The following SNX31 variants were observed in gnomAD, a reference collection of about 807,000 sequenced individuals.
The protein encoded by SNX31 is sorting nexin 31.
SNX31 carries 58 observed loss-of-function variants against 65.4 expected under a neutral mutation model. The observed-to-expected ratio is 0.89, with a 90% confidence interval of 0.72 to 1.10. SNX31 has a LOEUF of 1.10. Among genes scored for constraint, SNX31 ranks in the 50% least tolerant of loss-of-function variants. The pLI, the probability that SNX31 is intolerant of heterozygous loss-of-function variation, is 0.00. For synonymous variants in SNX31, 181 were observed against 190.1 expected (o/e 0.95, Z 0.39); for missense variants, 523 against 529.7 (o/e 0.99, Z 0.12).
At position 100,630,526 on chromosome 8, in the gene SNX31, C is replaced by A; in HGVS notation, c.257-135G>T. 1 of 704,286 alleles carries A rather than the reference C, an allele frequency of 1.4e-6. No homozygotes were observed. Among genetic ancestry groups the A allele is most frequent in the Non-Finnish European group, 2.3e-6 (1 of 437,238 alleles). The allele number at this position is 704,286 out of a possible 1,614,324, so 43.6% of individuals were successfully genotyped here. On this transcript the variant is annotated intron_variant, in intron 3 of 13. Transcript: ENST00000311812. This position sits in a 1 kb window ranked among gnomAD's most constrained non-coding sequence, Gnocchi z 5.3. Reference sequence around the variant, plus strand: ...TCCCTGAAGTGATAAATGTTGAAACCTCTCAAATACAGGAAAACCCCCAAA... The same window carrying A: ...TCCCTGAAGTGATAAATGTTGAAACATCTCAAATACAGGAAAACCCCCAAA...
Position 100,630,742 on chromosome 8 carries a change from G to A in SNX31, c.257-351C>T, listed in dbSNP as rs1486937653. On this transcript the variant is annotated intron_variant, in intron 3 of 13. Transcript: ENST00000311812. The surrounding 1 kb of genome is among the most constrained non-coding windows in gnomAD (Gnocchi z 5.3). Reference sequence around the variant, plus strand: ...CTTAAAACCTGCATCTAGACTCCCAGCCTAGCAAGACACAGGGTAATTTGA... The same window carrying A: ...CTTAAAACCTGCATCTAGACTCCCAACCTAGCAAGACACAGGGTAATTTGA... Among the ~76,000 whole-genome samples, 1 of 152,178 alleles carries A rather than the reference G, an allele frequency of 6.6e-6. No homozygotes were observed. The highest frequency in any genetic ancestry group is 2.4e-5 in the African/African-American group (1 of 41,424).
intron 4 of SNX31, among the ~76,000 whole-genome samples, chr8:100,621,581 C>A (rs1817698476): frequency 6.6e-6 from 1 of 152,248 alleles, no homozygotes; most frequent in African/African-American, 2.4e-5. Context: ...CAGCTAACAT[C>A]CCCTCTGCCC....
chr8:100,580,847 TA>T (rs1200627406), intron 12 of SNX31, among the ~76,000 whole-genome samples: 5 of 152,146 alleles, frequency 3.3e-5, no homozygotes, highest in Non-Finnish European at 7.3e-5. Flanking sequence ...AACCTAACTC[TA>T]ACTAATATAC....
rs529913685 is a variant in SNX31 at position 100,578,343 on chromosome 8, A to G, written c.1171-1268T>C. 2.3e-4 allele frequency among the ~76,000 whole-genome samples: 35 copies of G among 152,290 alleles called. No homozygotes were observed. In the South Asian group the frequency reaches 7.2e-3, roughly 32 times the overall value. On this transcript the variant is annotated intron_variant, in intron 12 of 13. Coordinates refer to ENST00000311812, the MANE Select transcript of SNX31 (RefSeq NM_152628.4). This position sits in a 1 kb window ranked among gnomAD's most constrained non-coding sequence, Gnocchi z 4.7. ...AGTTGCAGTATTTATTTACCCTACA[A>G]TTGTCAACGTCTCTGTATTAATCGC... is the stretch of plus-strand genomic sequence containing the variant.
Position 100,573,933 on chromosome 8 carries a change from T to C in SNX31, c.1255A>G (p.Arg419Gly). 6.3e-7 allele frequency: 1 copy of C among 1,587,632 alleles called. No individual in the cohort carries two copies. The highest frequency in any genetic ancestry group is 1.1e-5 in the South Asian group (1 of 87,004). Residue 419 changes from arginine to glycine, a missense_variant, in exon 14 of 14, where the codon AGA becomes GGA. Coordinates refer to ENST00000311812, the MANE Select transcript of SNX31 (RefSeq NM_152628.4). ...TTAGCTATCTTAATCTTGCTTTTTC[T>C]TGATAGAAAACTAGAATAGTCTTTC... Reference protein sequence around the residue: ...QQKDYSSFLSRKSKIKIAKDD... With the variant: ...QQKDYSSFLSGKSKIKIAKDD...
chr8:100,623,057 A>AT (rs373875207), intron 4 of SNX31, among the ~76,000 whole-genome samples: 4 of 152,296 alleles, frequency 2.6e-5, no homozygotes, highest in African/African-American at 9.6e-5. Flanking sequence ...AGACTCGGTA[A>AT]TTTTTATAAA....
intron 8 of SNX31, among the ~76,000 whole-genome samples, chr8:100,602,124 C>G (rs529163515): frequency 4.6e-5 from 7 of 152,332 alleles, no homozygotes; most frequent in Admixed American, 3.9e-4. Context: ...TCTCAGTGTG[C>G]CTTGCCCAGT....
intron 4 of SNX31, chr8:100,620,069 A>T (rs999239184): frequency 2.0e-5 from 3 of 152,178 alleles, no homozygotes; most frequent in Admixed American, 6.5e-5. Flanking sequence ...TTTATTTTAG[A>T]TTCAAGGGGT....
rs149169175 is a variant in SNX31, at chr8:100,573,411, G to A, written c.*454C>T. 286 of 152,204 alleles carry A rather than the reference G, an allele frequency of 1.9e-3. 1 individual carries two copies. Among genetic ancestry groups the A allele is most frequent in the Middle Eastern group, 0.017 (5 of 294 alleles). 9.4% of individuals were successfully genotyped at this position (152,204 alleles called of 1,614,324 possible). ...ATTTCTCAGAGCCCTATTCTCCTCC[G>A]TTGAAGAGTCACATCTTTAGAAATC... On this transcript the variant is annotated 3_prime_UTR_variant, in exon 14 of 14. Coordinates refer to ENST00000311812, the MANE Select transcript of SNX31 (RefSeq NM_152628.4).
In SNX31 at chr8:100,641,315, T is replaced by C. The variant is rs554967123; in HGVS notation, c.142-5304A>G. Among the ~76,000 whole-genome samples, 54 of 151,816 alleles carry C rather than the reference T, an allele frequency of 3.6e-4. No individual in the cohort carries two copies. The Middle Eastern group carries it at 0.01, about 29-fold the overall frequency. On this transcript the variant is annotated intron_variant, in intron 2 of 13. Coordinates refer to ENST00000311812, the MANE Select transcript of SNX31 (RefSeq NM_152628.4). ...ACTTTGGGAGGCCTAGGTGGGCAGATTGCTTGAGTCCATGAGTTTAAGACC... is the reference window on the plus strand; with the variant it reads ...ACTTTGGGAGGCCTAGGTGGGCAGACTGCTTGAGTCCATGAGTTTAAGACC...
At chr8:100,606,098 T>C (rs1816129258) in intron 8 of SNX31, among the ~76,000 whole-genome samples, 1 of 152,044 alleles carries the variant, frequency 6.6e-6, no homozygotes, top group Admixed American at 6.5e-5. Flanking sequence ...TGTAATGGCG[T>C]GATCACATCT....
chr8:100,641,565 A>AAAAAAAAAT (rs1554587369), intron 2 of SNX31, among the ~76,000 whole-genome samples: 1 of 32,108 alleles, frequency 3.1e-5, no homozygotes, highest in Non-Finnish European at 5.3e-5. Flanking sequence ...AAAAAAAAAA[A>AAAAAAAAAT]ATATATATAT....
chr8:100,577,075 G>A lies in SNX31; in HGVS notation c.1171C>T (p.Gln391Ter). The stretch of plus-strand genomic sequence containing the variant: ...TTGCTTTGTTCCGGAACTTCAATCT[G>A]CTAGATAGATTAGTGAAATGTCAGT... ...VKLAAENTEM[Q>*]IEVPEQSKSK... Residue 391 changes from glutamine to a stop codon, truncating the protein, a stop_gained and splice_region_variant, in exon 13 of 14, where the codon CAG (glutamine) becomes TAG (stop). Coordinates refer to ENST00000311812, the MANE Select transcript of SNX31 (RefSeq NM_152628.4). LOFTEE classifies it high-confidence loss of function. 2 of 1,612,610 alleles carry A rather than the reference G, an allele frequency of 1.2e-6. No individual in the cohort carries two copies. The highest frequency in any genetic ancestry group is 1.7e-6 in the Non-Finnish European group (2 of 1,179,126).
At position 100,630,394 on chromosome 8, in the gene SNX31, G is replaced by A; in HGVS notation, c.257-3C>T. 6.2e-7 allele frequency: 1 copy of A among 1,611,208 alleles called. No individual in the cohort carries two copies. ...CAACACGTTTGGGTCCATGGTTACT[G>A]AAAAACATGGACGGTGAGCCAGGTT... is the stretch of plus-strand genomic sequence containing the variant. On this transcript the variant is annotated splice_region_variant and splice_polypyrimidine_tract_variant and intron_variant, in intron 3 of 13. Transcript: ENST00000311812. The surrounding 1 kb of genome is among the most constrained non-coding windows in gnomAD (Gnocchi z 5.3).
intron 11 of SNX31, among the ~76,000 whole-genome samples, chr8:100,586,482 T>TA (rs778564203): frequency 1.3e-5 from 2 of 152,230 alleles, no homozygotes; most frequent in Non-Finnish European, 2.9e-5. Context: ...TATGGTGGTT[T>TA]AAACTCATTT....
chr8:100,650,133 T>A (rs1403186176), upstream of SNX31, among the ~76,000 whole-genome samples: 2 of 152,204 alleles, frequency 1.3e-5, no homozygotes, highest in African/African-American at 4.8e-5. Flanking sequence ...GACAGGTGCA[T>A]TCACATAAAC....
chr8:100,590,261 G>C (rs886527421), intron 10 of SNX31, among the ~76,000 whole-genome samples: 1 of 152,150 alleles, frequency 6.6e-6, no homozygotes, highest in Non-Finnish European at 1.5e-5. Context: ...TTCCCCCTAG[G>C]GGGCAACAGA....
intron 2 of SNX31, among the ~76,000 whole-genome samples, chr8:100,639,277 G>A (rs7008805): frequency 0.48 from 72,594 of 152,078 alleles, 17,604 homozygotes; most frequent in African/African-American, 0.55. Context: ...ATAAAACTAT[G>A]TTACAAATGT....
chr8:100,583,147 C>G (rs1813708560), intron 12 of SNX31, among the ~76,000 whole-genome samples: 1 of 150,916 alleles, frequency 6.6e-6, no homozygotes, highest in Non-Finnish European at 1.5e-5. Flanking sequence ...CACTCTGTCA[C>G]CCAGGCTGGA....
Sources: allele counts gnomAD v4.1 joint callset (sites outside exome capture counted in the v4.1 genomes callset), GRCh38; gene constraint gnomAD v4.1.1; non-coding constraint Gnocchi (gnomAD v3.1); transcripts MANE v1.5; gene names NCBI Gene and HGNC (gene_info 2026-07-23, HGNC 2026-07-21).